CASP8: variants seen among roughly 807,000 people sequenced by gnomAD.
The protein encoded by CASP8 is caspase-8.
Under a neutral mutation model 46.3 loss-of-function variants are expected in CASP8, and 24 were observed. The ratio of observed to expected loss-of-function variants is 0.52; its 90% CI spans 0.38 to 0.73. The LOEUF is 0.73. Ranked by LOEUF, CASP8 falls within the 30% of genes least tolerant of loss-of-function variation. The pLI is 0.00. For synonymous variants in CASP8, 188 were observed against 200.4 expected (o/e 0.94, Z 0.52); for missense variants, 460 against 559.0 (o/e 0.82, Z 1.79).
At chr2:201,242,842 A>G (rs1946360240) in intron 2 of CASP8, 1 of 152,308 alleles carries the variant, frequency 6.6e-6, no homozygotes, top group Admixed American at 6.6e-5. Flanking sequence ...CAACCTAAAT[A>G]TCTAGGATGG....
upstream of CASP8, chr2:201,257,995 G>A: frequency 1.9e-6 from 1 of 513,054 alleles, no homozygotes. Context: ...TGGAAATTGG[G>A]CATCTGTTCC....
chr2:201,280,064 T>C (rs1380344587), intron 7 of CASP8, among the ~76,000 whole-genome samples: 1 of 152,222 alleles, frequency 6.6e-6, no homozygotes, highest in African/African-American at 2.4e-5. Context: ...CAACCTTTTT[T>C]AATGCTTAAT....
At position 201,244,454 on chromosome 2, in the gene CASP8, C is replaced by T. The variant is rs150746339; in HGVS notation, c.-27+10342C>T. On this transcript the variant is annotated intron_variant, in intron 2 of 6. Coordinates refer to the CASP8 transcript ENST00000264274. The stretch of plus-strand genomic sequence containing the variant: ...GTACCCTGGCTCATGGGTTCATAGG[C>T]GCTCACGTTGGGGGAATTTTCCCCA... 1.0e-3 allele frequency among the ~76,000 whole-genome samples: 157 copies of T among 152,226 alleles called. 1 individual carries two copies. The highest frequency in any genetic ancestry group is 3.5e-3 in the African/African-American group (145 of 41,524).
chr2:201,265,253 G>C (rs1947717987), intron 1 of CASP8, among the ~76,000 whole-genome samples: 1 of 151,918 alleles, frequency 6.6e-6, no homozygotes, highest in Admixed American at 6.6e-5. Flanking sequence ...GTGTGTCCCT[G>C]TAATCCCAAC....
At chr2:201,282,808 C>T (rs1949183385) in intron 7 of CASP8, among the ~76,000 whole-genome samples, 2 of 89,632 alleles carry the variant, frequency 2.2e-5, no homozygotes, top group African/African-American at 3.5e-5. Flanking sequence ...GGCAGCCGGC[C>T]GGAAGGGGGG....
intron 8 of CASP8, 29 bp downstream of exon 8, chr2:201,285,346 C>G (rs1576390993): frequency 6.2e-7 from 1 of 1,611,066 alleles, no homozygotes; most frequent in East Asian, 2.2e-5. Context: ...GCCCTCCTCA[C>G]TGTTACACTA....
chr2:201,278,608 C>T (rs1412783312), intron 7 of CASP8, among the ~76,000 whole-genome samples: 1 of 151,488 alleles, frequency 6.6e-6, no homozygotes, highest in African/African-American at 2.4e-5. Flanking sequence ...ATGATCTTGG[C>T]TCACCGCAAC....
chr2:201,252,817 G>T (rs1041842394), intron 2 of CASP8, among the ~76,000 whole-genome samples: 1 of 152,166 alleles, frequency 6.6e-6, no homozygotes, highest in African/African-American at 2.4e-5. Context: ...TTTGAGGAAA[G>T]AAATAATTGC....
chr2:201,255,734 A>G (rs1263249896), upstream of CASP8, among the ~76,000 whole-genome samples: 1 of 152,186 alleles, frequency 6.6e-6, no homozygotes, highest in African/African-American at 2.4e-5. Flanking sequence ...CTTAAATAAC[A>G]TAGTAGTGAA....
rs552971069 is a variant in CASP8, at chr2:201,248,974, C to T, written c.-27+14862C>T. Among the ~76,000 whole-genome samples, 260 of 152,302 alleles carry T rather than the reference C, an allele frequency of 1.7e-3. 2 individuals are homozygous for T. The highest frequency in any genetic ancestry group is 5.8e-3 in the African/African-American group (241 of 41,566). On this transcript the variant is annotated intron_variant, in intron 2 of 6. Transcript: ENST00000264274. The stretch of plus-strand genomic sequence containing the variant: ...TGCTGCGATCTTGGCTCACTACAAC[C>T]TCTGCCTCCTGGGTTCAAGCAATTC...
upstream of CASP8, among the ~76,000 whole-genome samples, chr2:201,256,037 T>G (rs1168326973): frequency 6.6e-6 from 1 of 152,196 alleles, no homozygotes; most frequent in African/African-American, 2.4e-5. Flanking sequence ...GGATTACTGG[T>G]GTGAGCCACT....
intron 5 of CASP8, 138 bp downstream of exon 5, chr2:201,273,080 GAC>G (rs1948392724): frequency 2.9e-6 from 2 of 701,268 alleles, no homozygotes; most frequent in African/African-American, 3.8e-5. Context: ...TTTTTTGTGA[GAC>G]AGTTTTACTT....
At chr2:201,239,128 T>A (rs1576186129) in intron 2 of CASP8, among the ~76,000 whole-genome samples, 1 of 152,380 alleles carries the variant, frequency 6.6e-6, no homozygotes, top group East Asian at 1.9e-4. Flanking sequence ...AGAATTTTTC[T>A]TAGTATAGAA....
chr2:201,269,680 G>T lies in CASP8; in HGVS notation c.306-1836G>T, dbSNP rs1414747359. The stretch of plus-strand genomic sequence containing the variant: ...TCCGGGCAATCCTGACTTACTGCTT[G>T]TTCATTATCATTGAATACTAGCCAG... On this transcript the variant is annotated intron_variant, in intron 2 of 8. Transcript: ENST00000673742. 1.5e-5 allele frequency: 15 copies of T among 1,001,970 alleles called. No individual in the cohort carries two copies. The Admixed American group carries it at 3.0e-4, about 20-fold the overall frequency. 62.1% of individuals were successfully genotyped at this position (1,001,970 alleles called of 1,614,324 possible). A position where few individuals can be genotyped will look rare whatever the true frequency, so the allele number is the denominator to read the frequency against.
intron 2 of CASP8, among the ~76,000 whole-genome samples, chr2:201,249,038 C>A (rs1297581749): frequency 6.6e-6 from 1 of 152,068 alleles, no homozygotes; most frequent in African/African-American, 2.4e-5. Flanking sequence ...ACTACAGGTG[C>A]CCCCCACCAT....
chr2:201,260,459 T>C, upstream of CASP8: 1 of 795,886 alleles, frequency 1.3e-6, no homozygotes, highest in Non-Finnish European at 1.5e-6. Context: ...AAGCGCTCTT[T>C]CCCCTCTAGT....
rs1372056498 is a variant in CASP8, at chr2:201,272,023, A to C, written c.411+402A>C. Among the ~76,000 whole-genome samples, 3 of 149,958 alleles carry C rather than the reference A, an allele frequency of 2.0e-5. No homozygotes were observed. The highest frequency in any genetic ancestry group is 7.4e-5 in the African/African-American group (3 of 40,544). On this transcript the variant is annotated intron_variant, in intron 3 of 8. Transcript: ENST00000673742. This position sits in a 1 kb window ranked among gnomAD's most constrained non-coding sequence, Gnocchi z 4.4. ...TCTGTGTGTGCCTTTCTCTGTGTAT[A>C]GTGTGTGTCTGTATTTGTGTGTGAT...
At chr2:201,249,564 G>A (rs542975657) in intron 2 of CASP8, among the ~76,000 whole-genome samples, 3 of 152,204 alleles carry the variant, frequency 2.0e-5, no homozygotes, top group African/African-American at 4.8e-5. Context: ...CTTTTCAATC[G>A]GGTTGTTTTC....
At chr2:201,237,459 G>T (rs993939919) in intron 2 of CASP8, among the ~76,000 whole-genome samples, 1 of 142,160 alleles carries the variant, frequency 7.0e-6, no homozygotes, top group South Asian at 2.2e-4. Context: ...AAAAAAAAAG[G>T]AAAAAAGAAA....
Sources: allele counts gnomAD v4.1 joint callset (sites outside exome capture counted in the v4.1 genomes callset), GRCh38; gene constraint gnomAD v4.1.1; non-coding constraint Gnocchi (gnomAD v3.1); transcripts MANE v1.5; gene names NCBI Gene and HGNC (gene_info 2026-07-23, HGNC 2026-07-21).